The following PDE4D variants were observed in gnomAD, a reference collection of about 807,000 sequenced individuals.
PDE4D encodes the protein phosphodiesterase 4D, also known as 3',5'-cyclic-AMP phosphodiesterase 4D.
PDE4D carries 24 observed loss-of-function variants against 87.4 expected under a neutral mutation model. That is an observed-to-expected ratio of 0.27 (90% CI 0.20 to 0.39). The LOEUF (loss-of-function observed/expected upper bound fraction) is 0.39. Among genes scored for constraint, PDE4D ranks in the 10% least tolerant of loss-of-function variants. PDE4D has a pLI of 1.00. For synonymous variants in PDE4D, 384 were observed against 383.2 expected, an observed-to-expected ratio of 1.00 and a Z score of -0.02; for missense variants, 714 against 1,041.0, an observed-to-expected ratio of 0.69 and a Z score of 4.32.
chr5:60,351,351 T>G (rs1365013244), intron 1 of PDE4D, among the ~76,000 whole-genome samples: 10 of 152,166 alleles, frequency 6.6e-5, no homozygotes, highest in Admixed American at 4.6e-4. Context: ...CCAAATAGCC[T>G]AAATTTACAG....
chr5:58,989,886 C>T lies in PDE4D; in HGVS notation c.1321G>A (p.Val441Ile). The change falls in exon 10 of 15, where the codon GTA becomes ATA. Residue 441 changes from valine (V) to isoleucine (I), a missense_variant. Val to Ile is a conservative substitution (Grantham distance 29). Transcript: ENST00000340635. The stretch of plus-strand genomic sequence containing the variant: ...ATAAGATATGTAATTAAAGTATCTA[C>T]TGGAATTTTAAATGTTTTTAATAAA... ...RDLLKTFKIP[V>I]DTLITYLMTL... 2 of 1,547,466 alleles carry T rather than the reference C, an allele frequency of 1.3e-6. No homozygotes were observed. The highest frequency in any genetic ancestry group is 1.8e-6 in the Non-Finnish European group (2 of 1,124,540).
chr5:59,151,976 CAT>C (rs970038531), intron 5 of PDE4D, among the ~76,000 whole-genome samples: 2 of 151,980 alleles, frequency 1.3e-5, no homozygotes, highest in African/African-American at 2.4e-5. Context: ...GAGTAGAGAA[CAT>C]GTGAAAAGGA....
chr5:59,017,135 G>A (rs62358491), intron 6 of PDE4D, among the ~76,000 whole-genome samples: 15,701 of 152,202 alleles, frequency 0.1, 1,290 homozygotes, highest in East Asian at 0.47. Context: ...TGAGAGCCGA[G>A]GCAAGTCAAG....
At chr5:59,588,462 T>A (rs1178312611) in intron 1 of PDE4D, among the ~76,000 whole-genome samples, 1 of 152,212 alleles carries the variant, frequency 6.6e-6, no homozygotes, top group Admixed American at 6.5e-5. Flanking sequence ...AAAAAGGCTT[T>A]TACGCAATTG....
intron 1 of PDE4D, among the ~76,000 whole-genome samples, chr5:59,343,157 A>C (rs895060051): frequency 4.0e-5 from 6 of 151,834 alleles, no homozygotes; most frequent in Non-Finnish European, 7.4e-5. Context: ...CTATGTATCC[A>C]TGTGGTCTCA....
intron 1 of PDE4D, among the ~76,000 whole-genome samples, chr5:60,371,645 A>G (rs1466641138): frequency 6.6e-6 from 1 of 152,134 alleles, no homozygotes; most frequent in Non-Finnish European, 1.5e-5. Flanking sequence ...ACATTGCAGG[A>G]CCCTAGAAGC....
chr5:60,471,156 T>A (rs1276144833), intron 1 of PDE4D, among the ~76,000 whole-genome samples: 1 of 152,154 alleles, frequency 6.6e-6, no homozygotes, highest in East Asian at 1.9e-4. Flanking sequence ...CATGGATGGC[T>A]TTGAGTGGTT....
intron 2 of PDE4D, among the ~76,000 whole-genome samples, chr5:59,208,648 G>T (rs533144306): frequency 8.0e-4 from 121 of 152,090 alleles, no homozygotes; most frequent in African/African-American, 2.8e-3. Context: ...TATGAGATTA[G>T]GAATATAAAA....
chr5:59,337,215 G>C (rs530477010), intron 1 of PDE4D, among the ~76,000 whole-genome samples: 5 of 151,836 alleles, frequency 3.3e-5, no homozygotes, highest in African/African-American at 1.2e-4. Flanking sequence ...CAGTTCTTTT[G>C]TAAACCAAGC....
chr5:60,010,143 T>G (rs1053931208), intron 2 of PDE4D, among the ~76,000 whole-genome samples: 1 of 152,120 alleles, frequency 6.6e-6, no homozygotes, highest in Non-Finnish European at 1.5e-5. Flanking sequence ...TTTCCTCTTC[T>G]TCCTGAAAAT....
intron 5 of PDE4D, among the ~76,000 whole-genome samples, chr5:59,110,400 C>T (rs546523137): frequency 2.4e-4 from 36 of 152,296 alleles, no homozygotes; most frequent in Admixed American, 2.4e-3. Context: ...TCCTAACCTC[C>T]AACTACACAC....
intron 1 of PDE4D, among the ~76,000 whole-genome samples, chr5:60,334,369 A>G (rs898315231): frequency 1.3e-5 from 2 of 152,200 alleles, no homozygotes; most frequent in Non-Finnish European, 2.9e-5. Flanking sequence ...TGAGAAGCTA[A>G]TAACATTAAC....
At chr5:58,990,130 A>G (rs1747537237) in intron 9 of PDE4D, among the ~76,000 whole-genome samples, 1 of 152,194 alleles carries the variant, frequency 6.6e-6, no homozygotes, top group Non-Finnish European at 1.5e-5. Flanking sequence ...GTCCTGCTGG[A>G]ACCCAAGAAT....
At chr5:60,057,091 A>G (rs944132164) in intron 2 of PDE4D, among the ~76,000 whole-genome samples, 1 of 152,064 alleles carries the variant, frequency 6.6e-6, no homozygotes, top group Non-Finnish European at 1.5e-5. Context: ...GAGTTCTTCT[A>G]TTGGCTCAGG....
chr5:59,316,735 AAC>A (rs879319924), intron 1 of PDE4D, among the ~76,000 whole-genome samples: 2 of 152,196 alleles, frequency 1.3e-5, no homozygotes, highest in Non-Finnish European at 2.9e-5. Flanking sequence ...GGACGGAGGA[AAC>A]AGTTTTCACC....
chr5:59,761,238 C>G (rs991233332), intron 1 of PDE4D, among the ~76,000 whole-genome samples: 4 of 152,146 alleles, frequency 2.6e-5, no homozygotes, highest in African/African-American at 9.7e-5. Flanking sequence ...ATGCAGCTTA[C>G]AGGACTGAAA....
At chr5:60,410,065 C>T (rs1362271119) in intron 1 of PDE4D, among the ~76,000 whole-genome samples, 2 of 152,138 alleles carry the variant, frequency 1.3e-5, no homozygotes, top group African/African-American at 2.4e-5. Context: ...AGGGAGGCCT[C>T]GATGTTTAGC....
chr5:59,477,529 T>A (rs1042588805), intron 1 of PDE4D, among the ~76,000 whole-genome samples: 3 of 151,998 alleles, frequency 2.0e-5, no homozygotes, highest in Admixed American at 6.6e-5. Flanking sequence ...TTTAGGCTAT[T>A]ATTAAAAAGT....
At chr5:59,302,388 T>C (rs1480738138) in intron 1 of PDE4D, among the ~76,000 whole-genome samples, 2 of 152,190 alleles carry the variant, frequency 1.3e-5, no homozygotes, top group Admixed American at 6.5e-5. Context: ...ATAAAATTTT[T>C]TTCCATAAGT....
Sources: gnomAD v4.1 joint callset for allele counts (sites outside exome capture counted in the v4.1 genomes callset) on GRCh38, gnomAD v4.1.1 for gene constraint, MANE v1.5 for transcripts, NCBI Gene and HGNC (gene_info 2026-07-23, HGNC 2026-07-21) for gene names.